EFCC1: variants seen among roughly 807,000 people sequenced by gnomAD.
EFCC1 encodes the protein EF-hand and coiled-coil domain containing 1.
EFCC1 carries 50 observed loss-of-function variants against 52.1 expected under a neutral mutation model. The ratio of observed to expected loss-of-function variants is 0.96; its 90% CI spans 0.76 to 1.21. EFCC1 has a LOEUF of 1.21. EFCC1 is among the 50% of genes most tolerant of loss of function. The probability of loss-of-function intolerance (pLI) is 0.00; values close to 1 mark genes in which losing one functional copy is unlikely to be tolerated. For synonymous variants in EFCC1, 399 were observed against 396.5 expected, an observed-to-expected ratio of 1.01 and a Z score of -0.08; for missense variants, 837 against 867.3, an observed-to-expected ratio of 0.97 and a Z score of 0.44.
chr3:129,016,058 C>A (rs547057181), intron 2 of EFCC1, among the ~76,000 whole-genome samples: 2 of 152,322 alleles, frequency 1.3e-5, no homozygotes, highest in East Asian at 1.9e-4. Flanking sequence ...GAGAAAAAGA[C>A]AGCAGTGACA....
At chr3:129,023,041 GACTA>G (rs889053792) in intron 2 of EFCC1, among the ~76,000 whole-genome samples, 92 of 152,310 alleles carry the variant, frequency 6.0e-4, no homozygotes, top group African/African-American at 2.0e-3. Flanking sequence ...AGCTAGAACT[GACTA>G]ACTGTGTTTC....
chr3:129,002,309 C>A lies in EFCC1; in HGVS notation c.681C>A (p.Arg227=). 1 of 1,523,106 alleles carries A rather than the reference C, an allele frequency of 6.6e-7. No homozygotes were observed. The highest frequency in any genetic ancestry group is 1.2e-5 in the South Asian group (1 of 83,310). The allele number at this position is 1,523,106 out of a possible 1,614,324, so 94.3% of individuals were successfully genotyped here. A position where few individuals can be genotyped will look rare whatever the true frequency, so the allele number is the denominator to read the frequency against. The change falls in exon 1 of 8, where the codon CGC becomes CGA. Residue 227 remains arginine (R), a synonymous_variant. Transcript: ENST00000683648. ...LRAALQSSDA[R]CLALQVGLWK... ...CCGCGCTGCAGAGCAGTGATGCGCG[C>A]TGCCTAGCACTGCAGGTGCGCGCCG...
In EFCC1 at chr3:129,029,180, C is replaced by T. The variant is rs192663983; in HGVS notation, c.981-1523C>T. On this transcript the variant is annotated intron_variant, in intron 2 of 7. Transcript: ENST00000683648. ...CATATTGGGTTCTATCGGGTTGTTA[C>T]GACGAGATGGATGAGGGACAGATGC... Among the ~76,000 whole-genome samples the T allele has an allele frequency of 1.5e-3, 228 of 152,250 alleles. 1 individual carries two copies. Among genetic ancestry groups the T allele is most frequent in the Admixed American group, 2.6e-3 (40 of 15,290 alleles).
At chr3:129,003,309 A>G in intron 1 of EFCC1, 1 of 984,540 alleles carries the variant, frequency 1.0e-6, no homozygotes, top group Non-Finnish European at 1.2e-6. Flanking sequence ...AGCACCTACT[A>G]TGTGCCAGGT....
In EFCC1 at chr3:129,030,880, A is replaced by T. The variant is rs781194379; in HGVS notation, c.1138+20A>T. 1.3e-6 allele frequency: 2 copies of T among 1,541,484 alleles called. No individual in the cohort carries two copies. Among genetic ancestry groups the T allele is most frequent in the South Asian group, 2.4e-5 (2 of 83,246 alleles). On this transcript the variant is annotated intron_variant, in intron 3 of 7. Coordinates refer to ENST00000683648, the MANE Select transcript of EFCC1 (RefSeq NM_001377500.1). ...ATGAAGGTTTGTCCCCTGTGCGCCC[A>T]GTCTTCCTGCCAGGCTCACAGTCCC...
intron 5 of EFCC1, among the ~76,000 whole-genome samples, 188 bp from the exon 6 acceptor site, chr3:129,036,789 G>A (rs1381944129): frequency 6.6e-6 from 1 of 152,266 alleles, no homozygotes; most frequent in East Asian, 1.9e-4. Context: ...AAGGGAGAAT[G>A]GAGTCCTTAG....
chr3:129,035,034 G>C (rs1339194320), intron 5 of EFCC1, among the ~76,000 whole-genome samples: 1 of 151,956 alleles, frequency 6.6e-6, no homozygotes, highest in Non-Finnish European at 1.5e-5. Context: ...TACTCCATAG[G>C]AAAGTCTCTA....
At chr3:129,007,847 G>C (rs1328870298) in intron 2 of EFCC1, among the ~76,000 whole-genome samples, 1 of 152,206 alleles carries the variant, frequency 6.6e-6, no homozygotes, top group African/African-American at 2.4e-5. Flanking sequence ...ATCAGTCCTT[G>C]TGTTGTAGGT....
Position 129,002,098 on chromosome 3 carries a change from C to A in EFCC1, c.470C>A (p.Ala157Glu). ...CTCTGTGGCTACTTCGGCACCCGTG[C>A]GGGGCCCCGGCTGCCCCGCGGCGCT... ...ARLCGYFGTR[A>E]GPRLPRGALS... The change falls in exon 1 of 8, where the codon GCG (alanine) becomes GAG (glutamate). Residue 157 changes from alanine (A) to glutamate (E), a missense_variant. Transcript: ENST00000683648. The A allele has an allele frequency of 6.6e-7, 1 of 1,506,322 alleles. No homozygotes were observed. Among genetic ancestry groups the A allele is most frequent in the Non-Finnish European group, 8.9e-7 (1 of 1,129,872 alleles). 93.3% of individuals were successfully genotyped at this position (1,506,322 alleles called of 1,614,324 possible).
At chr3:129,003,267 C>T (rs1376315029) in intron 1 of EFCC1, 1 of 985,408 alleles carries the variant, frequency 1.0e-6, no homozygotes, top group East Asian at 1.1e-4. Flanking sequence ...CCTGAACGGT[C>T]TTCCGGCATC....
At position 129,027,901 on chromosome 3, in the gene EFCC1, C is replaced by T. The variant is rs187725778; in HGVS notation, c.981-2802C>T. 1.1e-3 allele frequency among the ~76,000 whole-genome samples: 174 copies of T among 152,160 alleles called. 1 individual carries two copies. Among genetic ancestry groups the T allele is most frequent in the East Asian group, 3.1e-3 (16 of 5,150 alleles). ...CCCAGGAGGTGGAAGTTGCAGTGAG[C>T]TGAGATCGCGCCACTGCACTCCACC... On this transcript the variant is annotated intron_variant, in intron 2 of 7. Transcript: ENST00000683648.
At chr3:129,012,135 T>C (rs1372857014) in intron 2 of EFCC1, among the ~76,000 whole-genome samples, 1 of 152,372 alleles carries the variant, frequency 6.6e-6, no homozygotes, top group East Asian at 1.9e-4. Context: ...TGCTAACCTA[T>C]GTATGTTGCA....
rs1035301295 is a variant in EFCC1, at chr3:129,030,757, C to T, written c.1035C>T (p.Asp345=). The change falls in exon 3 of 8, where the codon GAC becomes GAT. Residue 345 remains aspartate, a synonymous_variant. Coordinates refer to ENST00000683648, the MANE Select transcript of EFCC1 (RefSeq NM_001377500.1). The part of the protein sequence containing the change: ...TPQLANPEPG[D]KSNEPEDAGT... ...AGCTAGCCAACCCAGAGCCAGGAGA[C>T]AAGAGTAATGAACCTGAAGATGCTG... 5.8e-6 allele frequency: 9 copies of T among 1,551,540 alleles called. No homozygotes were observed. The African/African-American group carries it at 1.2e-4, about 21-fold the overall frequency.
At chr3:129,038,424 A>G (rs1050925574) in intron 6 of EFCC1, among the ~76,000 whole-genome samples, 7 of 152,240 alleles carry the variant, frequency 4.6e-5, no homozygotes, top group Admixed American at 4.6e-4. Context: ...TCCACCTCCC[A>G]GCTGGGTGGC....
chr3:129,012,190 A>G (rs1404743697), intron 2 of EFCC1, among the ~76,000 whole-genome samples: 1 of 152,252 alleles, frequency 6.6e-6, no homozygotes, highest in Non-Finnish European at 1.5e-5. Flanking sequence ...CTTCAGCTCA[A>G]CTTGCTTGTG....
Position 129,001,978 on chromosome 3 carries a change from T to G in EFCC1, c.350T>G (p.Leu117Trp). The G allele has an allele frequency of 6.5e-7, 1 of 1,544,982 alleles. No individual in the cohort carries two copies. The highest frequency in any genetic ancestry group is 1.4e-5 in the African/African-American group (1 of 72,378). The change falls in exon 1 of 8, where the codon TTG (leucine) becomes TGG (tryptophan). Residue 117 changes from leucine (L) to tryptophan (W), a missense_variant. By Grantham distance (61) the Leu-to-Trp change is moderately conservative. Transcript: ENST00000683648. ...DVTPGDAAAELATDGDSDTDE... is the reference protein window; with the variant it reads ...DVTPGDAAAEWATDGDSDTDE... ...ACCCCCGGGGATGCGGCCGCTGAGT[T>G]GGCCACGGACGGGGACTCAGATACC...
At chr3:129,025,422 T>C (rs1946063234) in intron 2 of EFCC1, among the ~76,000 whole-genome samples, 1 of 152,172 alleles carries the variant, frequency 6.6e-6, no homozygotes, top group South Asian at 2.1e-4. Context: ...CCTTTCTCTT[T>C]AGGCCAAGTC....
chr3:129,026,178 C>T (rs573102513), intron 2 of EFCC1, among the ~76,000 whole-genome samples: 14 of 152,314 alleles, frequency 9.2e-5, no homozygotes, highest in African/African-American at 2.4e-4. Context: ...CGTTGCTGTC[C>T]GTGCAGGAAG....
intron 2 of EFCC1, among the ~76,000 whole-genome samples, chr3:129,029,877 T>G (rs1472621817): frequency 2.0e-5 from 3 of 150,996 alleles, no homozygotes; most frequent in African/African-American, 7.3e-5. Flanking sequence ...CTGTCTCTAT[T>G]TAAAAAATTA....
Sources: gnomAD v4.1 joint callset for allele counts (sites outside exome capture counted in the v4.1 genomes callset) on GRCh38, gnomAD v4.1.1 for gene constraint, MANE v1.5 for transcripts, NCBI Gene and HGNC (gene_info 2026-07-23, HGNC 2026-07-21) for gene names.